Variants in KHDRBS2 observed in about 807,000 individuals in gnomAD.
The protein encoded by KHDRBS2 is KH RNA binding domain containing, signal transduction associated 2, also known as KH domain-containing, RNA-binding, signal transduction-associated protein 2.
A neutral mutation model predicts 44.3 loss-of-function variants in KHDRBS2; 26 were observed. The ratio of observed to expected loss-of-function variants is 0.59; its 90% CI spans 0.43 to 0.81. The LOEUF (loss-of-function observed/expected upper bound fraction) is 0.81, where lower values mean the gene tolerates loss of function less well. Ranked by LOEUF, KHDRBS2 falls within the 40% of genes least tolerant of loss-of-function variation. The pLI is 0.00. For missense variants in KHDRBS2, 476 were observed against 433.1 expected (o/e 1.10, Z -0.88); for synonymous variants, 194 against 151.1 (o/e 1.28, Z -2.08).
intron 4 of KHDRBS2, among the ~76,000 whole-genome samples, chr6:61,945,119 A>ATG (rs1562490620): frequency 0.014 from 898 of 65,354 alleles, 81 homozygotes; most frequent in African/African-American, 0.023. Flanking sequence ...AAAAGTATAT[A>ATG]TATATATATA....
At chr6:61,720,960 G>A (rs1386707756) in intron 7 of KHDRBS2, among the ~76,000 whole-genome samples, 1 of 150,712 alleles carries the variant, frequency 6.6e-6, no homozygotes, top group African/African-American at 2.5e-5. Flanking sequence ...TTTGTATAAG[G>A]TGTAAGGAAG....
intron 6 of KHDRBS2, among the ~76,000 whole-genome samples, chr6:61,866,544 T>G (rs545300382): frequency 6.6e-6 from 1 of 152,348 alleles, no homozygotes; most frequent in Admixed American, 6.5e-5. Context: ...GTCTTGGTGA[T>G]TAACATTTGG....
intron 4 of KHDRBS2, among the ~76,000 whole-genome samples, chr6:61,969,356 A>G: frequency 6.6e-6 from 1 of 151,996 alleles, no homozygotes; most frequent in East Asian, 1.9e-4. Context: ...AATTCAGTAC[A>G]CTCTCTAAAC....
At position 61,932,977 on chromosome 6, in the gene KHDRBS2, A is replaced by G. The variant is rs188853499; in HGVS notation, c.484-31606T>C. Among the ~76,000 whole-genome samples the G allele has an allele frequency of 4.7e-4, 72 of 152,292 alleles. No homozygotes were observed. The East Asian group carries it at 0.011, about 24-fold the overall frequency. On this transcript the variant is annotated intron_variant, in intron 4 of 8. Transcript: ENST00000281156. ...ATCACATTTTTTAACCCATTCATCT[A>G]TTGATAGACACTGTATTAATCTGTT...
chr6:62,079,366 T>C (rs1478899679), intron 2 of KHDRBS2, among the ~76,000 whole-genome samples: 1 of 152,010 alleles, frequency 6.6e-6, no homozygotes, highest in Non-Finnish European at 1.5e-5. Context: ...AGAAATCCTG[T>C]AGGCAGCTAC....
At chr6:61,908,551 A>G (rs537452874) in intron 4 of KHDRBS2, among the ~76,000 whole-genome samples, 24 of 151,342 alleles carry the variant, frequency 1.6e-4, no homozygotes, top group South Asian at 1.3e-3. Context: ...GGAGAATGGC[A>G]TGAACCCGGC....
intron 2 of KHDRBS2, among the ~76,000 whole-genome samples, chr6:62,068,658 G>C (rs929452258): frequency 2.0e-5 from 3 of 151,504 alleles, no homozygotes; most frequent in Non-Finnish European, 4.4e-5. Context: ...GATCCATTTT[G>C]AGTTAGTTTT....
At chr6:62,031,109 C>T (rs1050974943) in intron 3 of KHDRBS2, among the ~76,000 whole-genome samples, 2 of 152,024 alleles carry the variant, frequency 1.3e-5, no homozygotes, top group Non-Finnish European at 2.9e-5. Context: ...TTAGAGCTCA[C>T]CAGGGACCAG....
chr6:61,554,987 T>C, the KHDRBS2 span, among the ~76,000 whole-genome samples: 1 of 152,190 alleles, frequency 6.6e-6, no homozygotes, highest in Non-Finnish European at 1.5e-5. Context: ...CTATGTGTCC[T>C]GGAGGTGGTC....
At chr6:62,116,984 C>T (rs1330750021) in intron 2 of KHDRBS2, among the ~76,000 whole-genome samples, 1 of 152,034 alleles carries the variant, frequency 6.6e-6, no homozygotes, top group Non-Finnish European at 1.5e-5. Context: ...TTTCTTTATC[C>T]ATTCATCTAT....
At chr6:61,697,295 G>A (rs763756462) in intron 7 of KHDRBS2, 42 bp from the exon 8 acceptor site, 4 of 1,267,342 alleles carry the variant, frequency 3.2e-6, no homozygotes, top group African/African-American at 1.5e-5. Context: ...CTATAACCAG[G>A]AAATTCAACC....
intron 4 of KHDRBS2, among the ~76,000 whole-genome samples, chr6:61,967,138 G>T (rs1212957720): frequency 2.0e-5 from 3 of 146,402 alleles, no homozygotes; most frequent in Non-Finnish European, 3.0e-5. Flanking sequence ...CAAGACACAT[G>T]AAATTACAAT....
chr6:61,826,754 G>T (rs1790934611), intron 6 of KHDRBS2, among the ~76,000 whole-genome samples: 1 of 152,070 alleles, frequency 6.6e-6, no homozygotes, highest in African/African-American at 2.4e-5. Flanking sequence ...ACAATTATTT[G>T]TATAAAATGC....
intron 6 of KHDRBS2, among the ~76,000 whole-genome samples, chr6:61,823,737 G>A (rs1440187842): frequency 2.6e-5 from 4 of 151,986 alleles, no homozygotes; most frequent in East Asian, 3.9e-4. Context: ...TGAGTATGTC[G>A]ATTTAAGATG....
At chr6:62,088,935 A>G (rs1798952508) in intron 2 of KHDRBS2, among the ~76,000 whole-genome samples, 1 of 152,166 alleles carries the variant, frequency 6.6e-6, no homozygotes, top group Non-Finnish European at 1.5e-5. Flanking sequence ...GGAGGAATCT[A>G]GAGAGGCAGT....
chr6:61,862,913 C>T (rs1350763293), intron 6 of KHDRBS2, among the ~76,000 whole-genome samples: 1 of 151,326 alleles, frequency 6.6e-6, no homozygotes, highest in African/African-American at 2.4e-5. Context: ...TCTTCTTTGT[C>T]CCTCTGGCAA....
chr6:61,842,737 A>G (rs144706780), intron 6 of KHDRBS2, among the ~76,000 whole-genome samples: 1 of 152,320 alleles, frequency 6.6e-6, no homozygotes, highest in East Asian at 1.9e-4. Flanking sequence ...TAGAGAATTA[A>G]CAACACATGT....
At chr6:62,141,327 A>G (rs1447387942) in intron 2 of KHDRBS2, among the ~76,000 whole-genome samples, 1 of 152,158 alleles carries the variant, frequency 6.6e-6, no homozygotes, top group Non-Finnish European at 1.5e-5. Context: ...ATATGTAGAG[A>G]AAGTGATATA....
intron 2 of KHDRBS2, among the ~76,000 whole-genome samples, chr6:62,113,205 C>T (rs980271062): frequency 5.3e-5 from 8 of 152,108 alleles, no homozygotes; most frequent in African/African-American, 1.9e-4. Context: ...ATTCTTTAAG[C>T]ACATATTATG....
Sources: gnomAD v4.1 joint callset for allele counts (sites outside exome capture counted in the v4.1 genomes callset) on GRCh38, gnomAD v4.1.1 for gene constraint, MANE v1.5 for transcripts, NCBI Gene and HGNC (gene_info 2026-07-23, HGNC 2026-07-21) for gene names.